Variants in WNK3 observed in about 807,000 individuals in gnomAD.
The protein encoded by WNK3 is serine/threonine-protein kinase WNK3.
In WNK3, 18 loss-of-function variants were observed where a neutral mutation model predicts 116.7. The ratio of observed to expected loss-of-function variants is 0.15; its 90% confidence interval spans 0.11 to 0.23. The LOEUF (loss-of-function observed/expected upper bound fraction) is 0.23, where lower values mean the gene tolerates loss of function less well. WNK3 is among the 10% of genes least tolerant of loss of function. The pLI, the probability that WNK3 is intolerant of heterozygous loss-of-function variation, is 1.00. For synonymous variants in WNK3, 404 were observed against 469.4 expected (o/e 0.86, Z 1.80); for missense variants, 993 against 1,323.8 (o/e 0.75, Z 3.88).
chrX:54,207,612 C>T (rs1339097962), intron 22 of WNK3, among the ~76,000 whole-genome samples: 2 of 103,375 alleles, frequency 1.9e-5, no homozygotes, highest in Non-Finnish European at 3.9e-5. Context: ...TTCCCAGATT[C>T]AGGCAATTCT....
intron 6 of WNK3, among the ~76,000 whole-genome samples, chrX:54,300,863 G>A (rs2068750390): frequency 9.0e-6 from 1 of 111,407 alleles, no homozygotes; most frequent in Admixed American, 9.6e-5. Context: ...AGGATATATC[G>A]CCTTTACTAA....
chrX:54,195,003 CAG>C (rs1225755783), exon 24 of WNK3: 1 of 111,559 alleles, frequency 9.0e-6, no homozygotes, highest in East Asian at 2.8e-4. Context: ...GGATGAAAAA[CAG>C]AATGAATATT....
At chrX:54,213,904 G>T (rs1489766100) in intron 22 of WNK3, among the ~76,000 whole-genome samples, 2 of 110,581 alleles carry the variant, frequency 1.8e-5, no homozygotes, top group African/African-American at 6.6e-5. Context: ...ACAAACTACC[G>T]AAACTCACCC....
intron 1 of WNK3, among the ~76,000 whole-genome samples, chrX:54,342,017 G>A (rs782356187): frequency 5.4e-5 from 6 of 111,904 alleles, no homozygotes; most frequent in African/African-American, 1.3e-4. Context: ...TATTTGGGGC[G>A]GGAGTTGCTG....
chrX:54,277,727 T>C (rs1342416797), intron 10 of WNK3, among the ~76,000 whole-genome samples: 5 of 111,684 alleles, frequency 4.5e-5, no homozygotes, highest in Admixed American at 9.6e-5. Context: ...AACAAGGTAT[T>C]TGAATTCAAC....
intron 2 of WNK3, among the ~76,000 whole-genome samples, chrX:54,316,049 C>T (rs1159218303): frequency 9.0e-6 from 1 of 111,536 alleles, no homozygotes; most frequent in East Asian, 2.8e-4. Flanking sequence ...GCTCTGCTCA[C>T]ACTTTTGAGG....
intron 5 of WNK3, among the ~76,000 whole-genome samples, chrX:54,303,220 AAAC>A (rs1331311591): frequency 1.8e-5 from 2 of 110,152 alleles, no homozygotes; most frequent in African/African-American, 6.6e-5. Flanking sequence ...TTTTATCCTT[AAAC>A]AATAATAAAA....
At chrX:54,272,687 A>C (rs1015552305) in intron 10 of WNK3, among the ~76,000 whole-genome samples, 1 of 112,202 alleles carries the variant, frequency 8.9e-6, no homozygotes, top group Non-Finnish European at 1.9e-5. Context: ...TCCATTCTTC[A>C]TATAGTTTCT....
At chrX:54,286,458 T>C (rs953457194) in intron 10 of WNK3, among the ~76,000 whole-genome samples, 1 of 111,351 alleles carries the variant, frequency 9.0e-6, no homozygotes, top group African/African-American at 3.3e-5. Context: ...GAGTAATATA[T>C]TATCACTAGA....
intron 5 of WNK3, 128 bp from the exon 6 acceptor site, chrX:54,301,987 T>C: frequency 1.0e-5 from 5 of 499,926 alleles, no homozygotes; most frequent in Non-Finnish European, 1.0e-5. Context: ...TAAATATACA[T>C]GTGTATATAT....
intron 10 of WNK3, among the ~76,000 whole-genome samples, chrX:54,260,180 A>G (rs1557156408): frequency 9.0e-6 from 1 of 111,590 alleles, no homozygotes; most frequent in Non-Finnish European, 1.9e-5. Flanking sequence ...TCCCTAAACT[A>G]TTTCAAACTA....
At chrX:54,196,444 CAA>C (rs2067444078) in exon 24 of WNK3, 1 of 83,100 alleles carries the variant, frequency 1.2e-5, no homozygotes, top group Non-Finnish European at 2.3e-5. Flanking sequence ...CTTAATGTCA[CAA>C]AGTAGACTGT....
chrX:54,264,844 G>A (rs1193237450), intron 10 of WNK3, among the ~76,000 whole-genome samples: 1 of 109,065 alleles, frequency 9.2e-6, no homozygotes. Flanking sequence ...TTTGGAAAGA[G>A]CAACTAACAT....
At chrX:54,238,689 A>G (rs2067990054) in intron 18 of WNK3, among the ~76,000 whole-genome samples, 179 bp downstream of exon 18, 1 of 112,173 alleles carries the variant, frequency 8.9e-6, no homozygotes, top group Admixed American at 9.5e-5. Flanking sequence ...TGAAATGAAT[A>G]ACCGGAAAAC....
intron 2 of WNK3, among the ~76,000 whole-genome samples, chrX:54,318,310 A>G (rs1425218118): frequency 1.9e-5 from 2 of 107,885 alleles, no homozygotes; most frequent in East Asian, 3.0e-4. Flanking sequence ...CAGTGAGCTG[A>G]TATCATGCCA....
exon 10 of WNK3, chrX:54,292,940 A>G: frequency 3.3e-6 from 4 of 1,211,056 alleles, no homozygotes; most frequent in Non-Finnish European, 4.5e-6. Context: ...GGGTTGTGAA[A>G]CAACTGTCGG....
rs782814570 is a variant in WNK3, at chrX:54,340,092, G to A, written c.-119-6300C>T. 3.6e-5 allele frequency among the ~76,000 whole-genome samples: 4 copies of A among 111,197 alleles called. No homozygotes were observed. In the Admixed American group the frequency reaches 3.9e-4, roughly 11 times the overall value. On this transcript the variant is annotated intron_variant, in intron 1 of 23. Coordinates refer to ENST00000354646, the Ensembl canonical transcript of WNK3. ...TTGAACCTGGGAAGCAGAGGTTACA[G>A]TGAGCCGAGATCACGCCTCTGCACT...
intron 23 of WNK3, among the ~76,000 whole-genome samples, chrX:54,199,979 T>C (rs782010284): frequency 8.9e-6 from 1 of 112,342 alleles, no homozygotes; most frequent in Non-Finnish European, 1.9e-5. Context: ...CTACTTTCAA[T>C]CCCTTCACGC....
At chrX:54,205,520 A>T (rs1162359214) in intron 22 of WNK3, among the ~76,000 whole-genome samples, 7 of 111,254 alleles carry the variant, frequency 6.3e-5, no homozygotes, top group Admixed American at 3.9e-4. Flanking sequence ...TGAAACAGGG[A>T]CTAGGGCAAC....
Sources: gnomAD v4.1 joint callset for allele counts (sites outside exome capture counted in the v4.1 genomes callset) on GRCh38, gnomAD v4.1.1 for gene constraint, MANE v1.5 for transcripts, NCBI Gene and HGNC (gene_info 2026-07-23, HGNC 2026-07-21) for gene names.